Variants in SLC35F4 observed in about 807,000 individuals in gnomAD.
The protein encoded by SLC35F4 is chromosome 14 open reading frame 36.
SLC35F4 carries 24 observed loss-of-function variants against 44.2 expected under a neutral mutation model. The ratio of observed to expected loss-of-function variants is 0.54; its 90% CI spans 0.39 to 0.76. The LOEUF is 0.76. Among genes scored for constraint, SLC35F4 ranks in the 30% least tolerant of loss-of-function variants. The pLI is 0.00. For missense variants in SLC35F4, 562 were observed against 586.1 expected (o/e 0.96, Z 0.42); for synonymous variants, 238 against 223.6 (o/e 1.06, Z -0.57).
intron 1 of SLC35F4, among the ~76,000 whole-genome samples, chr14:57,914,608 T>C (rs1308797739): frequency 3.3e-5 from 5 of 151,832 alleles, no homozygotes; most frequent in Non-Finnish European, 7.4e-5. Context: ...ACTAACCCAC[T>C]CCAGCAATAA....
chr14:57,824,327 G>A (rs1883491624), intron 1 of SLC35F4, among the ~76,000 whole-genome samples: 1 of 152,178 alleles, frequency 6.6e-6, no homozygotes, highest in Non-Finnish European at 1.5e-5. Context: ...TCTAGACCCT[G>A]GGCAACACAG....
At chr14:57,579,435 C>T (rs180976279) in intron 4 of SLC35F4, 13 of 151,008 alleles carry the variant, frequency 8.6e-5, no homozygotes, top group East Asian at 7.9e-4. Flanking sequence ...CCTTTTTGGA[C>T]GTAACCTCTT....
chr14:57,690,758 G>A (rs913394489), intron 1 of SLC35F4, among the ~76,000 whole-genome samples: 4 of 151,806 alleles, frequency 2.6e-5, no homozygotes, highest in Non-Finnish European at 2.9e-5. Flanking sequence ...TTCTCATAAG[G>A]AGTACACAAT....
chr14:57,571,788 A>G (rs2068519737), intron 5 of SLC35F4, 106 bp downstream of exon 5: 3 of 1,403,098 alleles, frequency 2.1e-6, no homozygotes, highest in Non-Finnish European at 2.8e-6. Flanking sequence ...TTATTTCAAC[A>G]CATCTATTTT....
chr14:57,942,412 A>G (rs1020760756), intron 1 of SLC35F4, among the ~76,000 whole-genome samples: 8 of 152,200 alleles, frequency 5.3e-5, no homozygotes, highest in Admixed American at 3.9e-4. Flanking sequence ...AATCTCTTTC[A>G]TAACATTCTT....
intron 1 of SLC35F4, among the ~76,000 whole-genome samples, chr14:57,613,594 T>C (rs1235923351): frequency 6.6e-6 from 1 of 152,266 alleles, no homozygotes; most frequent in African/African-American, 2.4e-5. Context: ...AGCAAACATT[T>C]TTCTACCTGA....
At chr14:57,973,445 A>G (rs1881114946), downstream of SLC35F4, among the ~76,000 whole-genome samples, 1 of 152,102 alleles carries the variant, frequency 6.6e-6, no homozygotes, top group East Asian at 1.9e-4. Context: ...CTTCTTCCCA[A>G]AATTATAATA....
intron 3 of SLC35F4, among the ~76,000 whole-genome samples, chr14:57,583,677 C>CTTCCCCTTTCT (rs2069469254): frequency 6.6e-6 from 1 of 152,202 alleles, no homozygotes; most frequent in African/African-American, 2.4e-5. Flanking sequence ...TTCCCTCGTT[C>CTTCCCCTTTCT]TTCCCCTTTC....
chr14:57,877,968 A>C (rs1436021137), intron 1 of SLC35F4, among the ~76,000 whole-genome samples: 6 of 152,020 alleles, frequency 3.9e-5, no homozygotes, highest in Non-Finnish European at 8.8e-5. Flanking sequence ...TACAGGCATG[A>C]GGCACCATGC....
intron 3 of SLC35F4, among the ~76,000 whole-genome samples, chr14:57,584,348 A>G (rs1012871009): frequency 3.3e-5 from 5 of 152,202 alleles, no homozygotes; most frequent in African/African-American, 1.2e-4. Flanking sequence ...TTCTAGAGAA[A>G]ATAGATTCTG....
chr14:57,845,432 C>T (rs1241799049), intron 1 of SLC35F4, among the ~76,000 whole-genome samples: 1 of 152,160 alleles, frequency 6.6e-6, no homozygotes, highest in Non-Finnish European at 1.5e-5. Context: ...ATACAACTGT[C>T]GGAGAGAGGT....
chr14:57,599,636 G>C (rs550487650), intron 1 of SLC35F4, among the ~76,000 whole-genome samples: 6 of 152,100 alleles, frequency 3.9e-5, no homozygotes, highest in African/African-American at 1.4e-4. Flanking sequence ...GAGGTCAGTA[G>C]TTCAAGACCA....
chr14:57,717,585 G>C (rs373688649), intron 1 of SLC35F4, among the ~76,000 whole-genome samples: 89 of 152,292 alleles, frequency 5.8e-4, no homozygotes, highest in African/African-American at 1.7e-3. Flanking sequence ...GCAGTGAGCC[G>C]AGATCGCGCC....
intron 1 of SLC35F4, 97 bp downstream of exon 1, chr14:57,865,626 G>A: frequency 1.0e-6 from 1 of 996,334 alleles, no homozygotes; most frequent in African/African-American, 1.7e-5. Context: ...GGCTGCAGGT[G>A]TCCGTACCGC....
At chr14:57,672,869 C>T (rs2074564930) in intron 1 of SLC35F4, among the ~76,000 whole-genome samples, 1 of 151,408 alleles carries the variant, frequency 6.6e-6, no homozygotes, top group Non-Finnish European at 1.5e-5. Context: ...TCATGTGAAA[C>T]AGAGTAGGTT....
Position 57,690,788 on chromosome 14 carries a change from G to A in SLC35F4, c.104-96664C>T, listed in dbSNP as rs576039481. Among the ~76,000 whole-genome samples, 7 of 151,980 alleles carry A rather than the reference G, an allele frequency of 4.6e-5. No homozygotes were observed. In the South Asian group the frequency reaches 8.3e-4, roughly 18 times the overall value. The stretch of plus-strand genomic sequence containing the variant: ...CACAATCTAGATCCCTGGCATGCAC[G>A]GTTCACAATACGGTTCATGCTCCTG... On this transcript the variant is annotated intron_variant, in intron 1 of 7. Coordinates refer to ENST00000556826, the MANE Select transcript of SLC35F4 (RefSeq NM_001306087.2).
rs191784856 is a variant in SLC35F4 at position 57,565,128 on chromosome 14, C to G, written c.1217-752G>C. ...CTGCATCATAATTTGGTTATTCATT[C>G]AACTCCTGATTCACATTTAGGCTTC... On this transcript the variant is annotated intron_variant, in intron 7 of 7. Transcript: ENST00000556826. 5.3e-5 allele frequency among the ~76,000 whole-genome samples: 8 copies of G among 152,334 alleles called. No individual in the cohort carries two copies. In the East Asian group the frequency reaches 1.5e-3, roughly 29 times the overall value.
intron 1 of SLC35F4, among the ~76,000 whole-genome samples, chr14:57,905,808 G>A (rs765379477): frequency 6.6e-6 from 1 of 152,282 alleles, no homozygotes; most frequent in Non-Finnish European, 1.5e-5. Context: ...AAAGACAGTG[G>A]AGAGCAGATC....
Position 57,926,830 on chromosome 14 carries a change from CA to C in SLC35F4, n.282+55082del, listed in dbSNP as rs147238397. ...CCCTTGGCCGACTTGGAGAAGATAT[CA>C]CCAGTGTTTCCAAAAGATGTGCCCA... is the stretch of plus-strand genomic sequence containing the variant. On this transcript the variant is annotated intron_variant and non_coding_transcript_variant, in intron 1 of 1. Transcript: ENST00000556568. Among the ~76,000 whole-genome samples, 1,365 of 152,032 alleles carry C rather than the reference CA, an allele frequency of 9.0e-3. 18 individuals carry two copies. Among genetic ancestry groups the C allele is most frequent in the African/African-American group, 0.031 (1,280 of 41,504 alleles).
Sources: allele counts gnomAD v4.1 joint callset (sites outside exome capture counted in the v4.1 genomes callset), GRCh38; gene constraint gnomAD v4.1.1; transcripts MANE v1.5; gene names NCBI Gene and HGNC (gene_info 2026-07-23, HGNC 2026-07-21).